The following DAB1 variants were observed in gnomAD, a reference collection of about 807,000 sequenced individuals.
DAB1 encodes the protein DAB adaptor protein 1, also known as disabled homolog 1.
A neutral mutation model predicts 64.6 loss-of-function variants in DAB1; 15 were observed. The observed-to-expected ratio is 0.23, with a 90% confidence interval of 0.16 to 0.36. DAB1 has a LOEUF of 0.36. Ranked by LOEUF, DAB1 falls within the 10% of genes least tolerant of loss-of-function variation. DAB1 has a pLI of 1.00. For missense variants in DAB1, 596 were observed against 706.7 expected, an observed-to-expected ratio of 0.84 and a Z score of 1.78; for synonymous variants, 235 against 251.9, an observed-to-expected ratio of 0.93 and a Z score of 0.64.
intron 4 of DAB1, among the ~76,000 whole-genome samples, chr1:58,162,729 G>A (rs1360019737): frequency 6.6e-6 from 1 of 152,110 alleles, no homozygotes; most frequent in African/African-American, 2.4e-5. Flanking sequence ...GGTATACATT[G>A]TATGTATACA....
intron 5 of DAB1, among the ~76,000 whole-genome samples, chr1:58,068,673 G>A (rs1207651697): frequency 6.6e-6 from 1 of 151,280 alleles, no homozygotes; most frequent in African/African-American, 2.4e-5. Context: ...GGCTGAGGCA[G>A]GATAATGGCG....
At chr1:58,461,709 C>T (rs1251122078) in intron 3 of DAB1, among the ~76,000 whole-genome samples, 1 of 152,182 alleles carries the variant, frequency 6.6e-6, no homozygotes, top group Non-Finnish European at 1.5e-5. Context: ...CCAAAGACTA[C>T]CGATGAAGGC....
chr1:57,519,007 T>C (rs1353267531), intron 7 of DAB1, among the ~76,000 whole-genome samples: 1 of 152,176 alleles, frequency 6.6e-6, no homozygotes, highest in East Asian at 1.9e-4. Flanking sequence ...CCCACTAAAA[T>C]GTAAGCCTTG....
chr1:58,055,381 C>T (rs992652197), intron 5 of DAB1, among the ~76,000 whole-genome samples: 2 of 152,180 alleles, frequency 1.3e-5, no homozygotes, highest in Non-Finnish European at 2.9e-5. Flanking sequence ...CCCTCATCTC[C>T]ATTTAGATCT....
At chr1:58,093,885 C>A (rs1057262198) in intron 5 of DAB1, among the ~76,000 whole-genome samples, 2 of 152,102 alleles carry the variant, frequency 1.3e-5, no homozygotes, top group African/African-American at 4.8e-5. Flanking sequence ...CCTGCTTGCC[C>A]CTTGGTTCAT....
chr1:57,060,752 GGGCTGGACCAGAA>G (rs1253270140), intron 9 of DAB1, among the ~76,000 whole-genome samples: 1 of 152,070 alleles, frequency 6.6e-6, no homozygotes, highest in Non-Finnish European at 1.5e-5. Flanking sequence ...GATTTCAGTA[GGGCTGGACCAGAA>G]GGAGGTAGAT....
chr1:57,453,624 A>T (rs1686472924), intron 7 of DAB1, among the ~76,000 whole-genome samples: 1 of 152,204 alleles, frequency 6.6e-6, no homozygotes, highest in Non-Finnish European at 1.5e-5. Flanking sequence ...ACAAAAATAT[A>T]ACAAAAAAAT....
chr1:57,593,130 G>A (rs1414276842), intron 7 of DAB1, among the ~76,000 whole-genome samples: 1 of 152,054 alleles, frequency 6.6e-6, no homozygotes, highest in African/African-American at 2.4e-5. Context: ...CTGAAACTCT[G>A]TACCCATGGA....
intron 7 of DAB1, among the ~76,000 whole-genome samples, chr1:57,507,676 G>C (rs940436635): frequency 1.3e-5 from 2 of 152,128 alleles, no homozygotes; most frequent in African/African-American, 4.8e-5. Flanking sequence ...CTGTCTTTTA[G>C]GTTGCACTTT....
chr1:57,041,025 T>A (rs12033358), intron 9 of DAB1, among the ~76,000 whole-genome samples: 1 of 151,914 alleles, frequency 6.6e-6, no homozygotes, highest in Non-Finnish European at 1.5e-5. Flanking sequence ...TGGAGGGAGC[T>A]GAAATCAAGC....
chr1:57,433,872 A>G (rs1443223464), intron 7 of DAB1, among the ~76,000 whole-genome samples: 2 of 151,844 alleles, frequency 1.3e-5, no homozygotes, highest in African/African-American at 4.8e-5. Flanking sequence ...AAACAAAAAA[A>G]CTATAAGTAG....
chr1:58,321,206 T>C (rs1662674069), intron 4 of DAB1, among the ~76,000 whole-genome samples: 1 of 152,258 alleles, frequency 6.6e-6, no homozygotes, highest in African/African-American at 2.4e-5. Context: ...AGAATACATG[T>C]AAATTCTGTT....
rs530277399 is a variant in DAB1 at position 58,003,610 on chromosome 1, T to C, written n.388-119448A>G. Among the ~76,000 whole-genome samples the C allele has an allele frequency of 6.6e-5, 10 of 152,344 alleles. No individual in the cohort carries two copies. In the South Asian group the frequency reaches 2.1e-3, roughly 32 times the overall value. The stretch of plus-strand genomic sequence containing the variant: ...TGCTCTTTGTGTGCTGACTTCAGTA[T>C]TCAGTCTGCCTGTCCTGCACTCCGG... On this transcript the variant is annotated intron_variant and non_coding_transcript_variant, in intron 5 of 20. Coordinates refer to the DAB1 transcript ENST00000485760.
At chr1:57,886,191 A>C (rs944723083), upstream of DAB1, among the ~76,000 whole-genome samples, 12 of 148,428 alleles carry the variant, frequency 8.1e-5, no homozygotes, top group Admixed American at 2.7e-4. Context: ...TTTGAGACGA[A>C]GTCTCCCTCC....
intron 5 of DAB1, among the ~76,000 whole-genome samples, chr1:58,104,852 T>G (rs1393878339): frequency 6.6e-6 from 1 of 152,212 alleles, no homozygotes; most frequent in African/African-American, 2.4e-5. Context: ...CCAAGTGATA[T>G]AATAATTACC....
intron 6 of DAB1, among the ~76,000 whole-genome samples, chr1:57,679,652 A>C (rs1558603680): frequency 6.6e-6 from 1 of 152,246 alleles, no homozygotes. Flanking sequence ...CACAAGCACA[A>C]GCACACGCAC....
At chr1:58,153,923 C>G (rs923334592) in intron 4 of DAB1, among the ~76,000 whole-genome samples, 1 of 150,204 alleles carries the variant, frequency 6.7e-6, no homozygotes, top group African/African-American at 2.5e-5. Flanking sequence ...GGACTCCCCC[C>G]AAAACTACTG....
At chr1:57,101,180 C>T (rs1654654736) in intron 4 of DAB1, among the ~76,000 whole-genome samples, 1 of 152,146 alleles carries the variant, frequency 6.6e-6, no homozygotes, top group African/African-American at 2.4e-5. Flanking sequence ...GCTGCCAAAT[C>T]AGACCCAAAC....
At chr1:57,155,819 A>T in intron 2 of DAB1, among the ~76,000 whole-genome samples, 1 of 140,008 alleles carries the variant, frequency 7.1e-6, no homozygotes, top group East Asian at 2.1e-4. Flanking sequence ...TTTCTTTTTC[A>T]GATTGTTCAC....
Sources: allele counts gnomAD v4.1 joint callset (sites outside exome capture counted in the v4.1 genomes callset), GRCh38; gene constraint gnomAD v4.1.1; transcripts MANE v1.5; gene names NCBI Gene and HGNC (gene_info 2026-07-23, HGNC 2026-07-21).